Variants in DHRS9 observed in about 807,000 individuals in gnomAD.
DHRS9 encodes the protein dehydrogenase/reductase SDR family member 9.
DHRS9 carries 18 observed loss-of-function variants against 26.6 expected under a neutral mutation model. That is an observed-to-expected ratio of 0.68 (90% CI 0.47 to 1.00). The LOEUF (loss-of-function observed/expected upper bound fraction) is 1.00. Ranked by LOEUF, DHRS9 falls within the 50% of genes least tolerant of loss-of-function variation. The pLI is 0.00. For synonymous variants in DHRS9, 134 were observed against 141.1 expected (o/e 0.95, Z 0.36); for missense variants, 425 against 378.7 (o/e 1.12, Z -1.01).
intron 1 of DHRS9, 123 bp from the exon 2 acceptor site, chr2:169,081,400 A>T: frequency 8.1e-7 from 1 of 1,240,126 alleles, no homozygotes. Flanking sequence ...AATAAGAGTT[A>T]TTGTTTCTTT....
chr2:169,088,116 A>G (rs988689109), intron 3 of DHRS9, among the ~76,000 whole-genome samples: 2 of 152,132 alleles, frequency 1.3e-5, no homozygotes, highest in African/African-American at 2.4e-5. Flanking sequence ...TTAGAACCCC[A>G]CAGCACGTTA....
rs1473743564 is a variant in DHRS9 at position 169,083,374 on chromosome 2, C to T, written c.359C>T (p.Ala120Val). The T allele has an allele frequency of 6.2e-7, 1 of 1,614,114 alleles. No individual in the cohort carries two copies. Among genetic ancestry groups the T allele is most frequent in the Admixed American group, 1.7e-5 (1 of 60,020 alleles). Residue 120 changes from alanine (A) to valine (V), a missense_variant, in exon 3 of 5, where the codon GCT (alanine) becomes GTT (valine). Ala to Val is a moderately conservative substitution (Grantham distance 64, BLOSUM62 0). Coordinates refer to ENST00000674881, the MANE Select transcript of DHRS9 (RefSeq NM_001376924.1). ...AATGCTGGTGTTCCCGGCGTGCTGG[C>T]TCCCACTGACTGGCTGACACTAGAG... ...INNAGVPGVLAPTDWLTLEDY... is the reference protein window; with the variant it reads ...INNAGVPGVLVPTDWLTLEDY...
chr2:169,071,507 A>C (rs1459770658), intron 1 of DHRS9, among the ~76,000 whole-genome samples: 1 of 152,218 alleles, frequency 6.6e-6, no homozygotes, highest in Middle Eastern at 3.2e-3. Flanking sequence ...TATTTGAGGC[A>C]GTTGGTACAC....
intron 3 of DHRS9, among the ~76,000 whole-genome samples, chr2:169,085,778 T>G (rs1160537149): frequency 6.6e-6 from 1 of 152,198 alleles, no homozygotes; most frequent in Non-Finnish European, 1.5e-5. Flanking sequence ...GTGTGGAGTC[T>G]TTAGGTTTTT....
Position 169,072,575 on chromosome 2 carries a change from GA to G in DHRS9, c.-60+2862del, listed in dbSNP as rs1195885170. On this transcript the variant is annotated intron_variant, in intron 1 of 4. Coordinates refer to ENST00000674881, the MANE Select transcript of DHRS9 (RefSeq NM_001376924.1). ...AATCCTATTTTAACTTTTTTACTAGGAAAACAAACTCAGGAAGAAAAAGAAA... is the reference window on the plus strand; with the variant it reads ...AATCCTATTTTAACTTTTTTACTAGGAAACAAACTCAGGAAGAAAAAGAAA... The G allele has an allele frequency of 3.0e-6, 3 of 984,794 alleles. No homozygotes were observed. The African/African-American group carries it at 5.2e-5, about 17-fold the overall frequency. The allele number at this position is 984,794 out of a possible 1,614,324, so 61.0% of individuals were successfully genotyped here.
At chr2:169,085,296 G>A (rs767740497) in intron 3 of DHRS9, among the ~76,000 whole-genome samples, 93 of 151,998 alleles carry the variant, frequency 6.1e-4, no homozygotes, top group Non-Finnish European at 1.1e-3. Flanking sequence ...TTTGTCCAGG[G>A]TGTCTTTGGC....
intron 4 of DHRS9, among the ~76,000 whole-genome samples, chr2:169,092,706 G>A (rs1684569100): frequency 6.6e-6 from 1 of 152,142 alleles, no homozygotes; most frequent in Non-Finnish European, 1.5e-5. Flanking sequence ...AGGAGAAGAT[G>A]GAAGACACCA....
chr2:169,067,298 T>G, upstream of DHRS9: 1 of 1,533,892 alleles, frequency 6.5e-7, no homozygotes, highest in Non-Finnish European at 8.7e-7. Flanking sequence ...GAAGCTCATC[T>G]TAGAATGATC....
At chr2:169,091,980 C>T (rs199589603) in intron 4 of DHRS9, 27 bp downstream of exon 4, 1 of 1,607,762 alleles carries the variant, frequency 6.2e-7, no homozygotes, top group Non-Finnish European at 8.5e-7. Flanking sequence ...TGCCAATGTC[C>T]TCTAGAATTC....
chr2:169,071,717 G>A lies in DHRS9; in HGVS notation c.-60+2000G>A, dbSNP rs199504120. ...GAGGAGGAGCTTCTTCATCCATTGA[G>A]TAAGGGAACTTACCCTCCCACGACG... On this transcript the variant is annotated intron_variant, in intron 1 of 4. Transcript: ENST00000674881. 3.3e-5 allele frequency among the ~76,000 whole-genome samples: 5 copies of A among 152,258 alleles called. No homozygotes were observed. The East Asian group carries it at 9.6e-4, about 29-fold the overall frequency.
chr2:169,087,255 C>A (rs1684381073), intron 3 of DHRS9, among the ~76,000 whole-genome samples: 1 of 152,150 alleles, frequency 6.6e-6, no homozygotes, highest in Admixed American at 6.5e-5. Flanking sequence ...CTCACCATAG[C>A]TACTACCACC....
At chr2:169,070,162 A>G in intron 1 of DHRS9, 1 of 985,396 alleles carries the variant, frequency 1.0e-6, no homozygotes, top group Non-Finnish European at 1.2e-6. Context: ...CTTTATCAAT[A>G]TTATCAGATG....
In DHRS9 at chr2:169,095,777, C is replaced by G. The variant is rs758695839; in HGVS notation, c.*10C>G. 2 of 1,610,700 alleles carry G rather than the reference C, an allele frequency of 1.2e-6. No individual in the cohort carries two copies. The highest frequency in any genetic ancestry group is 2.7e-5 in the African/African-American group (2 of 74,808). On this transcript the variant is annotated 3_prime_UTR_variant, in exon 5 of 5. Transcript: ENST00000674881. ...TCCCAAGGCAGTGTGACTCAGCTAA[C>G]CACAAATGTCTCCTCCAGGCTATGA...
At chr2:169,069,861 G>T in intron 1 of DHRS9, 144 bp downstream of exon 1, 8 of 793,258 alleles carry the variant, frequency 1.0e-5, no homozygotes, top group Non-Finnish European at 1.2e-5. Flanking sequence ...TAACACATTA[G>T]AACCCAGTGA....
chr2:169,083,331 C>G lies in DHRS9; in HGVS notation c.316C>G (p.Leu106Val). 1 of 1,613,844 alleles carries G rather than the reference C, an allele frequency of 6.2e-7. No homozygotes were observed. Among genetic ancestry groups the G allele is most frequent in the Non-Finnish European group, 8.5e-7 (1 of 1,179,804 alleles). The change falls in exon 3 of 5, where the codon CTC becomes GTC. Residue 106 changes from leucine (L) to valine (V), a missense_variant and splice_region_variant. Physicochemically the swap from Leu to Val is conservative, Grantham distance 32. Coordinates refer to ENST00000674881, the MANE Select transcript of DHRS9 (RefSeq NM_001376924.1). ...WVKNQVGEKG[L>V]WGLINNAGVP... ...CTTTTCCTTCCTCTCTGTTCTAGGTCTCTGGGGTCTGATCAATAATGCTGG... is the reference window on the plus strand; with the variant it reads ...CTTTTCCTTCCTCTCTGTTCTAGGTGTCTGGGGTCTGATCAATAATGCTGG...
At chr2:169,077,041 G>A (rs1683983437) in intron 1 of DHRS9, among the ~76,000 whole-genome samples, 1 of 152,140 alleles carries the variant, frequency 6.6e-6, no homozygotes, top group Non-Finnish European at 1.5e-5. Context: ...GGCAGAGGCT[G>A]AAGAAAATAA....
At chr2:169,081,468 T>C in intron 1 of DHRS9, 55 bp from the exon 2 acceptor site, 10 of 1,489,730 alleles carry the variant, frequency 6.7e-6, no homozygotes, top group Non-Finnish European at 8.9e-6. Flanking sequence ...CAGTCCTGGG[T>C]TATAATGCCT....
At chr2:169,090,036 G>A (rs1011958947) in intron 3 of DHRS9, among the ~76,000 whole-genome samples, 1 of 152,214 alleles carries the variant, frequency 6.6e-6, no homozygotes, top group Non-Finnish European at 1.5e-5. Flanking sequence ...TGAAGGGTTT[G>A]TGAGCTTTGC....
intron 1 of DHRS9, among the ~76,000 whole-genome samples, chr2:169,080,715 G>A (rs548394760): frequency 1.2e-4 from 19 of 152,102 alleles, no homozygotes; most frequent in East Asian, 3.9e-4. Context: ...CAAAGCTTCC[G>A]TTTTACAGCA....
Sources: gnomAD v4.1 joint callset for allele counts (sites outside exome capture counted in the v4.1 genomes callset) on GRCh38, gnomAD v4.1.1 for gene constraint, MANE v1.5 for transcripts, NCBI Gene and HGNC (gene_info 2026-07-23, HGNC 2026-07-21) for gene names.